Variants in ATP13A3 observed in about 807,000 individuals in gnomAD.
ATP13A3 encodes ATPase 13A3, also known as polyamine-transporting ATPase 13A3.
In ATP13A3, 59 loss-of-function variants were observed where a neutral mutation model predicts 158.1. The observed-to-expected ratio is 0.37, with a 90% CI of 0.30 to 0.46. ATP13A3 has a LOEUF of 0.46. Ranked by LOEUF, ATP13A3 falls within the 20% of genes least tolerant of loss-of-function variation. The probability of loss-of-function intolerance (pLI) is 1.00; values close to 1 mark genes in which losing one functional copy is unlikely to be tolerated. For missense variants in ATP13A3, 1,166 were observed against 1,525.2 expected, an observed-to-expected ratio of 0.76 and a Z score of 3.92; for synonymous variants, 491 against 504.3, an observed-to-expected ratio of 0.97 and a Z score of 0.35.
At chr3:194,481,932 C>T (rs2109064809) in intron 2 of ATP13A3, among the ~76,000 whole-genome samples, 1 of 152,304 alleles carries the variant, frequency 6.6e-6, no homozygotes, top group East Asian at 1.9e-4. Flanking sequence ...TTGACGTTTA[C>T]TATTCGAGTT....
At chr3:194,420,478 T>A (rs1716212101) in intron 30 of ATP13A3, 1 of 152,318 alleles carries the variant, frequency 6.6e-6, no homozygotes, top group Non-Finnish European at 1.5e-5. Context: ...AACCTAAATG[T>A]AAATGTATTT....
chr3:194,406,331 G>A (rs1714931712), intron 33 of ATP13A3, among the ~76,000 whole-genome samples: 2 of 152,160 alleles, frequency 1.3e-5, no homozygotes, highest in African/African-American at 4.8e-5. Context: ...TTGGGAGGTC[G>A]AGGTGGGAGG....
intron 2 of ATP13A3, among the ~76,000 whole-genome samples, chr3:194,476,217 T>C (rs931221379): frequency 6.6e-6 from 1 of 152,170 alleles, no homozygotes; most frequent in Non-Finnish European, 1.5e-5. Context: ...CTCTGCCCGC[T>C]TCTTAATTTT....
At chr3:194,454,463 T>G in intron 8 of ATP13A3, 71 bp from the exon 9 acceptor site, 1 of 1,425,782 alleles carries the variant, frequency 7.0e-7, no homozygotes, top group Non-Finnish European at 9.7e-7. Context: ...ATCTTTTCAT[T>G]TGACAAACAA....
intron 31 of ATP13A3, 73 bp from the exon 32 acceptor site, chr3:194,413,912 T>G: frequency 7.5e-7 from 1 of 1,325,040 alleles, no homozygotes; most frequent in Non-Finnish European, 1.1e-6. Flanking sequence ...TCATAATTTC[T>G]AAATTTATTG....
intron 29 of ATP13A3, among the ~76,000 whole-genome samples, chr3:194,426,585 C>A (rs1716790317): frequency 6.6e-6 from 1 of 152,138 alleles, no homozygotes; most frequent in South Asian, 2.1e-4. Context: ...GATCTAAGAT[C>A]CCCATTTTGG....
intron 2 of ATP13A3, among the ~76,000 whole-genome samples, chr3:194,478,932 A>G (rs189393390): frequency 6.6e-6 from 1 of 152,306 alleles, no homozygotes; most frequent in East Asian, 1.9e-4. Context: ...AAGTACCAAC[A>G]CAGTCCTAAA....
At position 194,448,710 on chromosome 3, in the gene ATP13A3, A is replaced by C; in HGVS notation, c.971-74T>G. Reference sequence around the variant, plus strand: ...GAAAGCACAGGAATCAGTATCGAACACCAAAAAATATTAAATTGTTAAATA... The same window carrying C: ...GAAAGCACAGGAATCAGTATCGAACCCCAAAAAATATTAAATTGTTAAATA... On this transcript the variant is annotated intron_variant, in intron 11 of 33. Transcript: ENST00000645319. The surrounding 1 kb of genome is among the most constrained non-coding windows in gnomAD (Gnocchi z 4.0). The C allele has an allele frequency of 1.5e-6, 2 of 1,366,322 alleles. No homozygotes were observed. The highest frequency in any genetic ancestry group is 2.0e-6 in the Non-Finnish European group (2 of 997,966). The allele number at this position is 1,366,322 out of a possible 1,614,324, so 84.6% of individuals were successfully genotyped here.
At chr3:194,453,830 G>A in intron 9 of ATP13A3, 52 bp from the exon 10 acceptor site, 2 of 1,405,458 alleles carry the variant, frequency 1.4e-6, no homozygotes, top group Non-Finnish European at 9.9e-7. Flanking sequence ...CCACTCCTCA[G>A]GAAAAAAGCC....
chr3:194,454,066 A>C (rs187907160), intron 9 of ATP13A3, among the ~76,000 whole-genome samples, 192 bp downstream of exon 9: 245 of 152,318 alleles, frequency 1.6e-3, no homozygotes, highest in Non-Finnish European at 1.8e-3. Flanking sequence ...TGACTCTACA[A>C]AGCACCTGCT....
chr3:194,437,030 T>A, intron 20 of ATP13A3, 65 bp downstream of exon 20: 2 of 1,517,416 alleles, frequency 1.3e-6, no homozygotes, highest in Non-Finnish European at 1.8e-6. Flanking sequence ...TGCAAATTAC[T>A]GTGCATGACT....
intron 10 of ATP13A3, 51 bp from the exon 11 acceptor site, chr3:194,450,327 G>A (rs754663226): frequency 1.1e-5 from 17 of 1,529,114 alleles, no homozygotes; most frequent in Non-Finnish European, 1.4e-5. Flanking sequence ...CTTTACCTTG[G>A]AAAAATACAG....
At chr3:194,483,425 A>C (rs1720836659) in intron 2 of ATP13A3, among the ~76,000 whole-genome samples, 1 of 147,098 alleles carries the variant, frequency 6.8e-6, no homozygotes, top group Admixed American at 6.7e-5. Context: ...ACCCACCTCT[A>C]CAAAAAAAAA....
intron 29 of ATP13A3, among the ~76,000 whole-genome samples, chr3:194,425,734 C>G (rs1163232829): frequency 6.6e-6 from 1 of 152,160 alleles, no homozygotes; most frequent in Non-Finnish European, 1.5e-5. Flanking sequence ...GACATCTCAA[C>G]CACTTAAAAA....
intron 27 of ATP13A3, 41 bp downstream of exon 27, chr3:194,429,637 G>T: frequency 1.4e-6 from 2 of 1,430,012 alleles, no homozygotes; most frequent in Non-Finnish European, 1.9e-6. Context: ...AATTTACGGT[G>T]CACATTAAGT....
At position 194,404,775 on chromosome 3, in the gene ATP13A3, T is replaced by C. The variant is rs1332841150; in HGVS notation, c.*1144A>G. ...TTTTTTTCTCCCAGAAATTTCCGCA[T>C]CAAATATGCTCATTTGTAACGATCC... On this transcript the variant is annotated 3_prime_UTR_variant, in exon 34 of 34. Transcript: ENST00000645319. The C allele has an allele frequency of 3.3e-5, 5 of 152,200 alleles. No homozygotes were observed. Among genetic ancestry groups the C allele is most frequent in the Admixed American group, 3.3e-4 (5 of 15,280 alleles). The allele number at this position is 152,200 out of a possible 1,614,324, so 9.4% of individuals were successfully genotyped here. A position where few individuals can be genotyped will look rare whatever the true frequency, so the allele number is the denominator to read the frequency against.
chr3:194,483,316 G>A (rs1190263662), intron 2 of ATP13A3, among the ~76,000 whole-genome samples: 1 of 150,224 alleles, frequency 6.7e-6, no homozygotes, highest in Non-Finnish European at 1.5e-5. Context: ...AGGACGGGGT[G>A]CAGTGATAAA....
intron 30 of ATP13A3, 123 bp downstream of exon 30, chr3:194,425,219 C>A: frequency 5.3e-6 from 5 of 949,836 alleles, no homozygotes; most frequent in Non-Finnish European, 7.8e-6. Context: ...ACATCTAAAT[C>A]ACTAAGTTGA....
At chr3:194,409,601 G>A (rs1715199135) in intron 33 of ATP13A3, among the ~76,000 whole-genome samples, 1 of 151,556 alleles carries the variant, frequency 6.6e-6, no homozygotes, top group African/African-American at 2.4e-5. Context: ...GATGATGGGG[G>A]TCTCCACCGA....
Sources: allele counts gnomAD v4.1 joint callset (sites outside exome capture counted in the v4.1 genomes callset), GRCh38; gene constraint gnomAD v4.1.1; non-coding constraint Gnocchi (gnomAD v3.1); transcripts MANE v1.5; gene names NCBI Gene and HGNC (gene_info 2026-07-23, HGNC 2026-07-21).